Variants in ZNF217 observed in about 807,000 individuals in gnomAD.
The protein encoded by ZNF217 is zinc finger protein 217.
ZNF217 carries 12 observed loss-of-function variants against 73.3 expected under a neutral mutation model. The observed-to-expected ratio is 0.16, with a 90% CI of 0.10 to 0.27. The LOEUF is 0.27. ZNF217 is among the 10% of genes least tolerant of loss of function. The pLI, the probability that ZNF217 is intolerant of heterozygous loss-of-function variation, is 1.00. For missense variants in ZNF217, 1,195 were observed against 1,327.8 expected (o/e 0.90, Z 1.55); for synonymous variants, 588 against 516.4 (o/e 1.14, Z -1.88).
intron 2 of ZNF217, 124 bp from the exon 3 acceptor site, chr20:53,578,574 AT>A: frequency 1.7e-6 from 1 of 605,006 alleles, no homozygotes. Context: ...TTTATATAAC[AT>A]CGGGTTAGAA....
chr20:53,576,883 T>C lies in ZNF217; in HGVS notation c.1881A>G (p.Lys627=), dbSNP rs559936744. The change falls in exon 4 of 6, where the codon AAA becomes AAG. Residue 627 remains lysine (K), a synonymous_variant. Coordinates refer to ENST00000371471, the MANE Select transcript of ZNF217 (RefSeq NM_006526.3). ...NPTPAYLDLL[K]KRSAVETQAN... The stretch of plus-strand genomic sequence containing the variant: ...CCTGAGTTTCAACTGCTGATCTCTT[T>C]TTTAACAGGTCCAGGTAAGCAGGGG... 6.2e-7 allele frequency: 1 copy of C among 1,614,206 alleles called. No individual in the cohort carries two copies. The highest frequency in any genetic ancestry group is 1.7e-5 in the Admixed American group (1 of 60,024).
chr20:53,580,635 A>G (rs1171988772), intron 2 of ZNF217, among the ~76,000 whole-genome samples: 1 of 152,228 alleles, frequency 6.6e-6, no homozygotes, highest in Non-Finnish European at 1.5e-5. Context: ...TTCTCTTTCT[A>G]TAAATGCCAC....
intron 1 of ZNF217, among the ~76,000 whole-genome samples, chr20:53,591,540 G>T (rs764964522): frequency 6.6e-6 from 1 of 152,116 alleles, no homozygotes; most frequent in Non-Finnish European, 1.5e-5. Context: ...AAATATAACC[G>T]ATTAAAAATG....
intron 1 of ZNF217, among the ~76,000 whole-genome samples, chr20:53,587,390 G>A (rs1375327040): frequency 6.6e-6 from 1 of 152,116 alleles, no homozygotes; most frequent in Non-Finnish European, 1.5e-5. Context: ...CAACTAACTA[G>A]GTACAACAGC....
rs1225901497 is a variant in ZNF217 at position 53,581,294 on chromosome 20, G to A, written c.1366+167C>T. Among the ~76,000 whole-genome samples, 1 of 152,100 alleles carries A rather than the reference G, an allele frequency of 6.6e-6. No homozygotes were observed. Among genetic ancestry groups the A allele is most frequent in the Non-Finnish European group, 1.5e-5 (1 of 68,030 alleles). Reference sequence around the variant, plus strand: ...AAATGAGAAAATTAAGGCCCTGAGAGGTTAAATGACTTACACAGAGTGATA... The same window carrying A: ...AAATGAGAAAATTAAGGCCCTGAGAAGTTAAATGACTTACACAGAGTGATA... On this transcript the variant is annotated intron_variant, in intron 2 of 5. Coordinates refer to ENST00000371471, the MANE Select transcript of ZNF217 (RefSeq NM_006526.3). This position sits in a 1 kb window ranked among gnomAD's most constrained non-coding sequence, Gnocchi z 4.9.
At position 53,568,492 on chromosome 20, in the gene ZNF217, ACT is replaced by A. The variant is rs1433133695; in HGVS notation, c.*794_*795del. 6.6e-6 allele frequency: 1 copy of A among 152,134 alleles called. No individual in the cohort carries two copies. Among genetic ancestry groups the A allele is most frequent in the Non-Finnish European group, 1.5e-5 (1 of 68,034 alleles). The allele number at this position is 152,134 out of a possible 1,614,324, so 9.4% of individuals were successfully genotyped here. ...AGAGAAAATGCTTGTCTGTAGACAC[ACT>A]CTCTTAAAAATCCTACAAGCCATCC... On this transcript the variant is annotated 3_prime_UTR_variant, in exon 6 of 6. Coordinates refer to ENST00000371471, the MANE Select transcript of ZNF217 (RefSeq NM_006526.3).
chr20:53,573,089 T>C (rs1433837929), intron 4 of ZNF217, among the ~76,000 whole-genome samples: 2 of 149,866 alleles, frequency 1.3e-5, no homozygotes, highest in Non-Finnish European at 3.0e-5. Flanking sequence ...TATAAAACAG[T>C]GTCGTATCTG....
In ZNF217 at chr20:53,576,968, G is replaced by A. The variant is rs1215372720; in HGVS notation, c.1796C>T (p.Thr599Ile). 1.5e-5 allele frequency: 25 copies of A among 1,614,044 alleles called. No homozygotes were observed. The highest frequency in any genetic ancestry group is 1.4e-5 in the Non-Finnish European group (17 of 1,180,046). The change falls in exon 4 of 6, where the codon ACT becomes ATT. Residue 599 changes from threonine to isoleucine, a missense_variant. Thr to Ile is a moderately conservative substitution (Grantham distance 89). Coordinates refer to ENST00000371471, the MANE Select transcript of ZNF217 (RefSeq NM_006526.3). ...SAVLSPAHKD[T>I]QDFHKNAADD... ...AGCTGCATTTTTATGGAAATCCTGA[G>A]TATCTTTGTGTGCTGGTGAGAGGAC...
intron 3 of ZNF217, 66 bp from the exon 4 acceptor site, chr20:53,577,346 A>G (rs1600719195): frequency 2.2e-6 from 3 of 1,386,962 alleles, no homozygotes; most frequent in South Asian, 2.8e-5. Context: ...TCAAATATCT[A>G]TTTATTAAGA....
chr20:53,578,880 C>T (rs746934673), intron 2 of ZNF217, among the ~76,000 whole-genome samples: 2 of 152,112 alleles, frequency 1.3e-5, no homozygotes, highest in African/African-American at 2.4e-5. Context: ...AATTACAAAC[C>T]GTCAACTTCC....
rs1272331704 is a variant in ZNF217 at position 53,576,045 on chromosome 20, T to G, written c.2719A>C (p.Asn907His). 1.2e-6 allele frequency: 2 copies of G among 1,614,090 alleles called. No homozygotes were observed. Among genetic ancestry groups the G allele is most frequent in the African/African-American group, 2.7e-5 (2 of 74,932 alleles). The stretch of plus-strand genomic sequence containing the variant: ...GGCTCACCAAATTCTGCTGCAGTAT[T>G]GCTGGCACTCCGATTACAGAAATAG... ...RDYFCNRSAS[N>H]TAAEFGEPLP... Residue 907 changes from asparagine to histidine, a missense_variant, in exon 4 of 6, where the codon AAT becomes CAT. By Grantham distance (68) the Asn-to-His change is moderately conservative. Coordinates refer to ENST00000371471, the MANE Select transcript of ZNF217 (RefSeq NM_006526.3).
At chr20:53,583,955 A>G (rs1257020355) in intron 1 of ZNF217, among the ~76,000 whole-genome samples, 5 of 152,262 alleles carry the variant, frequency 3.3e-5, no homozygotes, top group African/African-American at 1.2e-4. Context: ...TCCTTTGTGA[A>G]TGTATAGATT....
chr20:53,596,752 C>T (rs1014004178), upstream of ZNF217, among the ~76,000 whole-genome samples: 3 of 151,918 alleles, frequency 2.0e-5, no homozygotes, highest in Non-Finnish European at 4.4e-5. Flanking sequence ...TCACTCCCTG[C>T]GTAGGCCATC....
chr20:53,581,440 G>C lies in ZNF217; in HGVS notation c.1366+21C>G, dbSNP rs1307339202. 1.3e-6 allele frequency: 2 copies of C among 1,587,942 alleles called. No homozygotes were observed. Among genetic ancestry groups the C allele is most frequent in the African/African-American group, 2.7e-5 (2 of 74,630 alleles). Reference sequence around the variant, plus strand: ...GACAGACACAGGCGGAACAGCACGGGACGGAGACAGGGCAGCTTACCCAGA... The same window carrying C: ...GACAGACACAGGCGGAACAGCACGGCACGGAGACAGGGCAGCTTACCCAGA... On this transcript the variant is annotated intron_variant, in intron 2 of 5. Coordinates refer to ENST00000371471, the MANE Select transcript of ZNF217 (RefSeq NM_006526.3). This position sits in a 1 kb window ranked among gnomAD's most constrained non-coding sequence, Gnocchi z 4.9.
In ZNF217 at chr20:53,575,763, G is replaced by T. The variant is rs773342330; in HGVS notation, c.3001C>A (p.Pro1001Thr). The change falls in exon 4 of 6, where the codon CCT becomes ACT. Residue 1001 changes from proline (P) to threonine (T), a missense_variant. This residue lies in a region of ZNF217 where 649 missense variants were observed against 642.8 expected (regional missense o/e 1.01). Coordinates refer to ENST00000371471, the MANE Select transcript of ZNF217 (RefSeq NM_006526.3). The stretch of plus-strand genomic sequence containing the variant: ...GAGCTGGATGCTGGACTACCAGCAG[G>T]CACACAAGTGTAAAGTGGCCCGGAG... The part of the protein sequence containing the change: ...GGSGPLYTCV[P>T]AGSPASSSTL... The T allele has an allele frequency of 2.5e-6, 4 of 1,601,444 alleles. No homozygotes were observed. In the East Asian group the frequency reaches 8.9e-5, roughly 36 times the overall value.
Position 53,576,427 on chromosome 20 carries a change from A to G in ZNF217, c.2337T>C (p.Ala779=), listed in dbSNP as rs1988273549. The G allele has an allele frequency of 2.5e-6, 4 of 1,614,210 alleles. No homozygotes were observed. The highest frequency in any genetic ancestry group is 1.7e-5 in the Admixed American group (1 of 60,020). Residue 779 remains alanine (A), a synonymous_variant, in exon 4 of 6, where the codon GCT becomes GCC. Transcript: ENST00000371471. ...SSFCKPKPKS[A]FPAQSKSLPS... is the part of the protein sequence containing the mutation. The stretch of plus-strand genomic sequence containing the variant: ...GCAGGGATTTGGACTGCGCCGGGAA[A>G]GCAGACTTGGGCTTGGGTTTACAGA...
intron 1 of ZNF217, among the ~76,000 whole-genome samples, chr20:53,593,152 C>T (rs1988942183): frequency 6.7e-6 from 1 of 149,350 alleles, no homozygotes; most frequent in Admixed American, 6.7e-5. Context: ...GAGGGAGTCA[C>T]GGGGCGCGCG....
chr20:53,593,652 G>A (rs982033658), intron 1 of ZNF217, 104 bp downstream of exon 1: 3 of 151,566 alleles, frequency 2.0e-5, no homozygotes, highest in African/African-American at 4.8e-5. Context: ...ATCCTGGGGG[G>A]GGACAAGACA....
Position 53,571,819 on chromosome 20 carries a change from G to A in ZNF217, c.3072C>T (p.Asn1024=). 6.2e-7 allele frequency: 1 copy of A among 1,612,288 alleles called. No homozygotes were observed. Among genetic ancestry groups the A allele is most frequent in the Non-Finnish European group, 8.5e-7 (1 of 1,179,348 alleles). Residue 1024 remains asparagine (N), a synonymous_variant, in exon 5 of 6, where the codon AAC becomes AAT. Transcript: ENST00000371471. ...CATAGTTTCTCTTTTGTGCCATGCT[G>A]TTAGATAAGTGTTGATATGACACAG... ...KRPVSYQHLS[N]SMAQKRNYEN...
Sources: gnomAD v4.1 joint callset for allele counts (sites outside exome capture counted in the v4.1 genomes callset) on GRCh38, gnomAD v4.1.1 for gene constraint, gnomAD v4.1.1 regional missense constraint, Gnocchi (gnomAD v3.1) non-coding constraint, MANE v1.5 for transcripts, NCBI Gene and HGNC (gene_info 2026-07-23, HGNC 2026-07-21) for gene names.